NOSTRIN: variants seen among roughly 807,000 people sequenced by gnomAD.
The protein encoded by NOSTRIN is nitric oxide synthase trafficking.
Under a neutral mutation model 59.0 loss-of-function variants are expected in NOSTRIN, and 63 were observed. The ratio of observed to expected loss-of-function variants is 1.07; its 90% CI spans 0.87 to 1.32. The LOEUF (loss-of-function observed/expected upper bound fraction) is 1.32. Ranked by LOEUF, NOSTRIN falls within the 40% of genes most tolerant of loss-of-function variation. The probability of loss-of-function intolerance (pLI) is 0.00; values close to 1 mark genes in which losing one functional copy is unlikely to be tolerated. For missense variants in NOSTRIN, 512 were observed against 473.1 expected (o/e 1.08, Z -0.76); for synonymous variants, 200 against 165.4 (o/e 1.21, Z -1.61).
chr2:168,840,517 G>A (rs1433139808), intron 7 of NOSTRIN, among the ~76,000 whole-genome samples: 5 of 133,448 alleles, frequency 3.7e-5, no homozygotes, highest in Non-Finnish European at 7.8e-5. Context: ...GGGACAGGGC[G>A]AGACTCCATC....
At chr2:168,834,910 A>T (rs1261505194) in intron 7 of NOSTRIN, among the ~76,000 whole-genome samples, 1 of 152,204 alleles carries the variant, frequency 6.6e-6, no homozygotes, top group East Asian at 1.9e-4. Flanking sequence ...AAAAGTAGAA[A>T]TGTTTCCAGG....
intron 10 of NOSTRIN, among the ~76,000 whole-genome samples, chr2:168,853,531 T>C (rs1465664179): frequency 6.6e-6 from 1 of 152,168 alleles, no homozygotes; most frequent in African/African-American, 2.4e-5. Context: ...CATCCTGAAA[T>C]TGACCCAGGA....
At chr2:168,830,408 A>G (rs768082845) in intron 5 of NOSTRIN, among the ~76,000 whole-genome samples, 14 of 152,332 alleles carry the variant, frequency 9.2e-5, no homozygotes, top group Non-Finnish European at 7.3e-5. Flanking sequence ...ACCTTGTTCC[A>G]CATTCCAGAC....
At chr2:168,798,994 C>T (rs1166930344), upstream of NOSTRIN, among the ~76,000 whole-genome samples, 1 of 152,156 alleles carries the variant, frequency 6.6e-6, no homozygotes, top group African/African-American at 2.4e-5. Flanking sequence ...CATGTAAAGG[C>T]ATCTTGTTCC....
At chr2:168,860,669 T>A (rs1308027640) in intron 13 of NOSTRIN, 126 bp from the exon 14 acceptor site, 196 of 553,734 alleles carry the variant, frequency 3.5e-4, no homozygotes, top group Admixed American at 6.3e-4. Flanking sequence ...AGACTCTGTC[T>A]AAAAAAAAAA....
intron 3 of NOSTRIN, among the ~76,000 whole-genome samples, chr2:168,826,314 G>A (rs1366698325): frequency 6.6e-6 from 1 of 152,164 alleles, no homozygotes; most frequent in Non-Finnish European, 1.5e-5. Context: ...GGCCAACTGG[G>A]ATTAGTACAG....
chr2:168,860,988 G>A, intron 14 of NOSTRIN, 79 bp downstream of exon 14: 1 of 902,212 alleles, frequency 1.1e-6, no homozygotes, highest in South Asian at 1.4e-5. Flanking sequence ...TAGTTTCAGA[G>A]CCACTTTGAC....
At chr2:168,855,575 G>C in intron 11 of NOSTRIN, 115 bp downstream of exon 11, 2 of 204,446 alleles carry the variant, frequency 9.8e-6, no homozygotes, top group Non-Finnish European at 8.7e-6. Flanking sequence ...CTCATTTAAA[G>C]AACCATATAT....
chr2:168,813,894 T>C lies in NOSTRIN; in HGVS notation c.113+2242T>C, dbSNP rs532193915. 2.0e-5 allele frequency among the ~76,000 whole-genome samples: 3 copies of C among 152,328 alleles called. No individual in the cohort carries two copies. The East Asian group carries it at 5.8e-4, about 29-fold the overall frequency. On this transcript the variant is annotated intron_variant, in intron 2 of 15. Transcript: ENST00000317647. ...AAGCTAAACTTTTACAATTAAATTA[T>C]TTCCCCTTAGCCAAGAAGCCATTTT...
At chr2:168,841,177 G>A (rs1395941358) in intron 7 of NOSTRIN, among the ~76,000 whole-genome samples, 1 of 143,446 alleles carries the variant, frequency 7.0e-6, no homozygotes, top group Middle Eastern at 3.4e-3. Flanking sequence ...CAGTGAGCCA[G>A]TGAGCCATGA....
At chr2:168,788,257 AGAT>A (rs1429353078) in intron 2 of NOSTRIN, among the ~76,000 whole-genome samples, 9 of 147,870 alleles carry the variant, frequency 6.1e-5, no homozygotes, top group Admixed American at 4.1e-4. Context: ...AAAAAAAAAA[AGAT>A]GATGATATTG....
At chr2:168,830,855 A>G (rs1234152905) in intron 5 of NOSTRIN, among the ~76,000 whole-genome samples, 1 of 152,244 alleles carries the variant, frequency 6.6e-6, no homozygotes, top group Non-Finnish European at 1.5e-5. Flanking sequence ...TGATGGGACT[A>G]GCAACAATAT....
chr2:168,833,893 C>T (rs1277863154), intron 6 of NOSTRIN, among the ~76,000 whole-genome samples: 2 of 152,184 alleles, frequency 1.3e-5, no homozygotes, highest in Non-Finnish European at 2.9e-5. Flanking sequence ...TGTGGTAAAG[C>T]CATTATGCTC....
chr2:168,851,327 G>A lies in NOSTRIN; in HGVS notation c.778G>A (p.Asp260Asn). 6.2e-7 allele frequency: 1 copy of A among 1,613,772 alleles called. No individual in the cohort carries two copies. The highest frequency in any genetic ancestry group is 8.5e-7 in the Non-Finnish European group (1 of 1,179,962). The change falls in exon 10 of 16, where the codon GAT becomes AAT. Residue 260 changes from aspartate to asparagine, a missense_variant. Physicochemically the swap from Asp to Asn is conservative, Grantham distance 23. Coordinates refer to ENST00000317647, the MANE Select transcript of NOSTRIN (RefSeq NM_001039724.4). ...CATCAGCAAGATTGACATTGAAAAA[G>A]ATATCCAGGCTGTAATGGAAGAAAC... ...CAISKIDIEK[D>N]IQAVMEETAI...
chr2:168,837,327 T>TTTTTTTTTTTTTG (rs1687790084), intron 7 of NOSTRIN, among the ~76,000 whole-genome samples: 1 of 142,428 alleles, frequency 7.0e-6, no homozygotes, highest in Non-Finnish European at 1.5e-5. Context: ...TTTTTTTTTT[T>TTTTTTTTTTTTTG]GAGATGGAGT....
intron 1 of NOSTRIN, among the ~76,000 whole-genome samples, chr2:168,809,989 G>A (rs1439182418): frequency 6.6e-6 from 1 of 151,856 alleles, no homozygotes; most frequent in Non-Finnish European, 1.5e-5. Context: ...ATCATGTTTC[G>A]GATGCAAATC....
chr2:168,797,062 CTTTCTT>C (rs1264419248), upstream of NOSTRIN, among the ~76,000 whole-genome samples: 1 of 119,138 alleles, frequency 8.4e-6, no homozygotes, highest in Non-Finnish European at 1.8e-5. Flanking sequence ...TCTTTTCTTT[CTTTCTT>C]TTTCTTTTTT....
intron 1 of NOSTRIN, among the ~76,000 whole-genome samples, chr2:168,809,351 T>C (rs1366739490): frequency 2.0e-5 from 3 of 152,150 alleles, no homozygotes; most frequent in Non-Finnish European, 4.4e-5. Flanking sequence ...ATACAAAACC[T>C]TCCCTCACAT....
intron 12 of NOSTRIN, among the ~76,000 whole-genome samples, chr2:168,858,923 A>G (rs547396334): frequency 6.6e-6 from 1 of 152,360 alleles, no homozygotes; most frequent in East Asian, 1.9e-4. Flanking sequence ...GTTCAAGGTC[A>G]TATCAAGAAC....
Sources: gnomAD v4.1 joint callset for allele counts (sites outside exome capture counted in the v4.1 genomes callset) on GRCh38, gnomAD v4.1.1 for gene constraint, MANE v1.5 for transcripts, NCBI Gene and HGNC (gene_info 2026-07-23, HGNC 2026-07-21) for gene names.